Variants in CYP3A43 observed in about 807,000 individuals in gnomAD.
CYP3A43 encodes the protein cytochrome P450 3A43.
A neutral mutation model predicts 58.0 loss-of-function variants in CYP3A43; 45 were observed. That is an observed-to-expected ratio of 0.78 (90% CI 0.61 to 0.99). CYP3A43 has a LOEUF of 0.99. Ranked by LOEUF, CYP3A43 falls within the 50% of genes least tolerant of loss-of-function variation. The pLI, the probability that CYP3A43 is intolerant of heterozygous loss-of-function variation, is 0.00. For synonymous variants in CYP3A43, 191 were observed against 201.4 expected, an observed-to-expected ratio of 0.95 and a Z score of 0.44; for missense variants, 593 against 591.9, an observed-to-expected ratio of 1.00 and a Z score of -0.02.
intron 7 of CYP3A43, among the ~76,000 whole-genome samples, chr7:99,854,369 G>A (rs1222962070): frequency 6.6e-6 from 1 of 151,734 alleles, no homozygotes; most frequent in East Asian, 1.9e-4. Flanking sequence ...ACCATGCCCA[G>A]CTAACTTTTG....
chr7:99,830,418 T>C (rs544752571), intron 1 of CYP3A43, among the ~76,000 whole-genome samples: 1 of 152,118 alleles, frequency 6.6e-6, no homozygotes, highest in South Asian at 2.1e-4. Context: ...CTCGGGAGGC[T>C]GAGGCAGGAG....
At chr7:99,836,166 A>G (rs558002) in intron 1 of CYP3A43, among the ~76,000 whole-genome samples, 15,089 of 152,212 alleles carry the variant, frequency 0.099, 1,519 homozygotes, top group African/African-American at 0.26. Flanking sequence ...GGAGCACCCG[A>G]AAAGTCAGGC....
Position 99,848,199 on chromosome 7 carries a change from T to A in CYP3A43, c.466T>A (p.Leu156Met). 6.2e-7 allele frequency: 1 copy of A among 1,614,174 alleles called. No homozygotes were observed. Among genetic ancestry groups the A allele is most frequent in the Non-Finnish European group, 8.5e-7 (1 of 1,180,018 alleles). The change falls in exon 6 of 13, where the codon TTG (leucine) becomes ATG (methionine). Residue 156 changes from leucine to methionine, a missense_variant. Coordinates refer to ENST00000354829, the MANE Select transcript of CYP3A43 (RefSeq NM_057095.3). ...VPIISQCGDM[L>M]VRSLRQEAEN... is the part of the protein sequence containing the mutation. ...CATCATTTCCCAATGTGGAGATATG[T>A]TGGTGAGAAGCCTGAGGCAGGAAGC...
intron 7 of CYP3A43, among the ~76,000 whole-genome samples, chr7:99,851,159 G>A (rs1413599031): frequency 4.3e-5 from 6 of 139,144 alleles, no homozygotes; most frequent in Admixed American, 6.8e-5. Flanking sequence ...GCAAGACCCC[G>A]TCTAAAAAAA....
Position 99,837,087 on chromosome 7 carries a change from C to T in CYP3A43, c.165+541C>T, listed in dbSNP as rs1402655362. Reference sequence around the variant, plus strand: ...TTGGGAGGCCGAGACGGGCGGATCACGAGGTCAGGAGATCGAGACCATCCT... The same window carrying T: ...TTGGGAGGCCGAGACGGGCGGATCATGAGGTCAGGAGATCGAGACCATCCT... On this transcript the variant is annotated intron_variant, in intron 2 of 12. Transcript: ENST00000354829. 2.7e-5 allele frequency among the ~76,000 whole-genome samples: 4 copies of T among 148,854 alleles called. No individual in the cohort carries two copies. In the East Asian group the frequency reaches 7.9e-4, roughly 29 times the overall value.
chr7:99,838,116 A>G (rs642761), intron 2 of CYP3A43, among the ~76,000 whole-genome samples: 36,341 of 152,178 alleles, frequency 0.24, 9,646 homozygotes, highest in African/African-American at 0.66. Context: ...GAAGCAGGAA[A>G]GTTTGTTTTT....
intron 6 of CYP3A43, 55 bp downstream of exon 6, chr7:99,848,309 C>A: frequency 6.5e-7 from 1 of 1,547,222 alleles, no homozygotes; most frequent in South Asian, 1.1e-5. Context: ...CAGCTGCCTG[C>A]AGTGGAGCTG....
In CYP3A43 at chr7:99,856,919, G is replaced by A. The variant is rs1818004383; in HGVS notation, c.865+20G>A. On this transcript the variant is annotated intron_variant, in intron 9 of 12. Transcript: ENST00000354829. ...ATAAAGGTAACCAAGAACTGCATCT[G>A]GGGGCTACTGATGGGGACACTCAGA... 1.2e-6 allele frequency: 2 copies of A among 1,610,082 alleles called. No individual in the cohort carries two copies. The highest frequency in any genetic ancestry group is 4.5e-5 in the East Asian group (2 of 44,690).
intron 7 of CYP3A43, chr7:99,855,378 T>A: frequency 2.0e-6 from 1 of 497,864 alleles, no homozygotes; most frequent in Non-Finnish European, 3.5e-6. Context: ...ACTGCTATAG[T>A]GGAGGCCCCT....
intron 7 of CYP3A43, 100 bp from the exon 8 acceptor site, chr7:99,855,491 C>A (rs752194576): frequency 2.1e-6 from 3 of 1,396,368 alleles, no homozygotes; most frequent in Non-Finnish European, 2.9e-6. Context: ...TGGTTGAGAA[C>A]CCTGAAGTCT....
intron 7 of CYP3A43, among the ~76,000 whole-genome samples, chr7:99,854,161 A>ACTACC (rs1048817355): frequency 2.2e-4 from 33 of 151,328 alleles, no homozygotes; most frequent in African/African-American, 7.8e-4. Flanking sequence ...CCCCGCCCCC[A>ACTACC]CTACCCTTCC....
At chr7:99,846,204 G>T (rs1461564273) in intron 4 of CYP3A43, among the ~76,000 whole-genome samples, 1 of 152,132 alleles carries the variant, frequency 6.6e-6, no homozygotes, top group African/African-American at 2.4e-5. Flanking sequence ...TTACTACATT[G>T]AGTCTTTCAA....
chr7:99,864,467 A>C (rs555812433), intron 12 of CYP3A43, among the ~76,000 whole-genome samples: 1 of 148,134 alleles, frequency 6.8e-6, no homozygotes, highest in Non-Finnish European at 1.5e-5. Context: ...TCCCCAAGCC[A>C]CTCTAAGAAA....
chr7:99,844,368 A>T (rs1316383964), intron 4 of CYP3A43, 126 bp downstream of exon 4: 3 of 846,420 alleles, frequency 3.5e-6, no homozygotes, highest in Non-Finnish European at 5.6e-6. Flanking sequence ...CCCAATGGTG[A>T]TGTCTTATTT....
intron 11 of CYP3A43, 29 bp from the exon 12 acceptor site, chr7:99,863,487 ATAGTTTTTATGTTTCATTAAC>A: frequency 6.7e-7 from 1 of 1,498,384 alleles, no homozygotes; most frequent in Non-Finnish European, 9.0e-7. Context: ...TGTAGTTTTA[ATAGTTTTTATGTTTCATTAAC>A]TAGTTTTTAT....
chr7:99,841,087 A>G (rs537786941), intron 3 of CYP3A43, among the ~76,000 whole-genome samples: 3 of 152,248 alleles, frequency 2.0e-5, no homozygotes, highest in African/African-American at 7.2e-5. Flanking sequence ...AATGATGAAC[A>G]GTTTTTAGCT....
intron 3 of CYP3A43, among the ~76,000 whole-genome samples, chr7:99,842,139 G>A (rs1817357987): frequency 1.3e-5 from 2 of 152,086 alleles, no homozygotes; most frequent in South Asian, 4.1e-4. Flanking sequence ...ATCCTTAAAA[G>A]TTATCTTCTT....
rs1406118003 is a variant in CYP3A43, at chr7:99,839,469, T to C, written c.218+297T>C. ...CGAGCTTGAGAATTAAGTCATACCT[T>C]ACTGCCTTCCTTTTTTCCCCAGACA... On this transcript the variant is annotated intron_variant, in intron 3 of 12. Coordinates refer to ENST00000354829, the MANE Select transcript of CYP3A43 (RefSeq NM_057095.3). 6.8e-6 allele frequency: 4 copies of C among 586,960 alleles called. No individual in the cohort carries two copies. In the African/African-American group the frequency reaches 7.3e-5, roughly 11 times the overall value. 36.4% of individuals were successfully genotyped at this position (586,960 alleles called of 1,614,324 possible).
At chr7:99,853,402 G>C (rs1230741267) in intron 7 of CYP3A43, among the ~76,000 whole-genome samples, 1 of 152,146 alleles carries the variant, frequency 6.6e-6, no homozygotes, top group African/African-American at 2.4e-5. Flanking sequence ...ATTGTTAAGA[G>C]AATATCCTTA....
Sources: allele counts gnomAD v4.1 joint callset (sites outside exome capture counted in the v4.1 genomes callset), GRCh38; gene constraint gnomAD v4.1.1; transcripts MANE v1.5; gene names NCBI Gene and HGNC (gene_info 2026-07-23, HGNC 2026-07-21).